The following FAM135B variants were observed in gnomAD, a reference collection of about 807,000 sequenced individuals.
The protein encoded by FAM135B is protein FAM135B.
FAM135B carries 43 observed loss-of-function variants against 127.7 expected under a neutral mutation model. The observed-to-expected ratio is 0.34, with a 90% CI of 0.26 to 0.43. The LOEUF is 0.43. Among genes scored for constraint, FAM135B ranks in the 20% least tolerant of loss-of-function variants. The probability of loss-of-function intolerance (pLI) is 1.00; values close to 1 mark genes in which losing one functional copy is unlikely to be tolerated. For synonymous variants in FAM135B, 670 were observed against 665.1 expected (o/e 1.01, Z -0.11); for missense variants, 1,558 against 1,725.6 (o/e 0.90, Z 1.72).
chr8:138,137,247 A>G lies in FAM135B; in HGVS notation c.3915T>C (p.Phe1305=). 6.3e-7 allele frequency: 1 copy of G among 1,592,388 alleles called. No homozygotes were observed. Residue 1305 remains phenylalanine (F), a synonymous_variant, in exon 19 of 20, where the codon TTT becomes TTC. Transcript: ENST00000395297. The stretch of plus-strand genomic sequence containing the variant: ...GAGAAGCAACCAGCACGACGTTTTT[A>G]AAATACTGCAGCCCTGTAAAAATTA... The part of the protein sequence containing the change: ...QLSQKTGLQY[F]KNVVLVASPQ...
intron 11 of FAM135B, among the ~76,000 whole-genome samples, chr8:138,173,420 AC>A (rs1207047833): frequency 6.6e-6 from 1 of 152,180 alleles, no homozygotes; most frequent in East Asian, 1.9e-4. Context: ...CTGGGCTCCA[AC>A]AGATCCATGC....
At chr8:138,254,779 C>T (rs1821950596) in intron 5 of FAM135B, among the ~76,000 whole-genome samples, 1 of 152,122 alleles carries the variant, frequency 6.6e-6, no homozygotes, top group African/African-American at 2.4e-5. Flanking sequence ...TGAAGTTGAA[C>T]CCAGACTGTG....
At chr8:138,144,487 C>T (rs547392780) in intron 15 of FAM135B, 42 of 148,628 alleles carry the variant, frequency 2.8e-4, no homozygotes, top group Middle Eastern at 3.5e-3. Flanking sequence ...GAGCCTATTT[C>T]CTCATCTATA....
intron 2 of FAM135B, among the ~76,000 whole-genome samples, chr8:138,353,503 C>T (rs183951315): frequency 1.1e-4 from 16 of 152,274 alleles, no homozygotes; most frequent in Middle Eastern, 6.8e-3. Flanking sequence ...TCTCCAATAG[C>T]TCTAGCTGAG....
intron 3 of FAM135B, among the ~76,000 whole-genome samples, chr8:138,294,561 G>A (rs1825344068): frequency 1.3e-5 from 2 of 152,038 alleles, no homozygotes; most frequent in South Asian, 2.1e-4. Flanking sequence ...AAGGAGAATG[G>A]TTAAAGAAAT....
chr8:138,231,892 A>G (rs1819933633), intron 7 of FAM135B, among the ~76,000 whole-genome samples: 2 of 152,218 alleles, frequency 1.3e-5, no homozygotes, highest in African/African-American at 2.4e-5. Context: ...CCATCACGGC[A>G]TCCCTGGGTG....
chr8:138,465,645 A>G (rs1293583740), intron 1 of FAM135B, among the ~76,000 whole-genome samples: 1 of 152,180 alleles, frequency 6.6e-6, no homozygotes, highest in Non-Finnish European at 1.5e-5. Context: ...GAACTCCAGG[A>G]GCCCAGCCCT....
chr8:138,246,309 C>G (rs755432016), intron 6 of FAM135B, among the ~76,000 whole-genome samples: 1 of 152,170 alleles, frequency 6.6e-6, no homozygotes, highest in Non-Finnish European at 1.5e-5. Context: ...ATGGAAGCCC[C>G]TCCCATCACA....
intron 1 of FAM135B, among the ~76,000 whole-genome samples, chr8:138,446,407 C>G (rs1283974342): frequency 6.6e-6 from 1 of 151,920 alleles, no homozygotes; most frequent in Non-Finnish European, 1.5e-5. Context: ...TCAAACTACA[C>G]TACAAGGCTA....
At chr8:138,297,223 T>C (rs1825539464) in intron 3 of FAM135B, among the ~76,000 whole-genome samples, 2 of 151,932 alleles carry the variant, frequency 1.3e-5, no homozygotes, top group Non-Finnish European at 2.9e-5. Flanking sequence ...ATAGCACGAG[T>C]CCATGACGGT....
chr8:138,393,759 T>C (rs1437514860), intron 1 of FAM135B, among the ~76,000 whole-genome samples: 3 of 152,124 alleles, frequency 2.0e-5, no homozygotes, highest in African/African-American at 7.2e-5. Flanking sequence ...TGCATGAGTC[T>C]CTCCTAGATG....
At chr8:138,316,514 CAAAAAAA>C (rs561450589) in intron 2 of FAM135B, among the ~76,000 whole-genome samples, 11 of 151,330 alleles carry the variant, frequency 7.3e-5, no homozygotes, top group African/African-American at 2.7e-4. Context: ...AAACAAAAAA[CAAAAAAA>C]ACCACAATGA....
intron 1 of FAM135B, among the ~76,000 whole-genome samples, chr8:138,402,571 T>C (rs16909109): frequency 0.47 from 70,809 of 151,884 alleles, 16,954 homozygotes; most frequent in Admixed American, 0.58. Context: ...CTCACCTCTA[T>C]GCAGAGAAGT....
At chr8:138,413,721 G>T (rs1056785115) in intron 1 of FAM135B, among the ~76,000 whole-genome samples, 2 of 151,960 alleles carry the variant, frequency 1.3e-5, no homozygotes, top group South Asian at 4.1e-4. Flanking sequence ...GAAAGTTAGG[G>T]TGACTGGAAT....
At chr8:138,268,179 A>G (rs1315608047) in intron 3 of FAM135B, among the ~76,000 whole-genome samples, 1 of 152,218 alleles carries the variant, frequency 6.6e-6, no homozygotes, top group Non-Finnish European at 1.5e-5. Flanking sequence ...ATCACTGTGG[A>G]CACAAAGAGG....
At chr8:138,450,259 C>T (rs550393326) in intron 1 of FAM135B, among the ~76,000 whole-genome samples, 3 of 152,322 alleles carry the variant, frequency 2.0e-5, no homozygotes, top group African/African-American at 7.2e-5. Flanking sequence ...TGAAGGACAT[C>T]TTGATTGCTT....
intron 7 of FAM135B, among the ~76,000 whole-genome samples, chr8:138,222,988 C>T (rs1819151513): frequency 6.6e-6 from 1 of 152,058 alleles, no homozygotes; most frequent in Non-Finnish European, 1.5e-5. Flanking sequence ...ACATGAGCCT[C>T]CTCCAACTGT....
chr8:138,345,881 T>C (rs1829374483), intron 2 of FAM135B, among the ~76,000 whole-genome samples: 1 of 152,202 alleles, frequency 6.6e-6, no homozygotes, highest in Admixed American at 6.5e-5. Flanking sequence ...TGTTCTATGA[T>C]TAAGTTATAT....
intron 1 of FAM135B, among the ~76,000 whole-genome samples, chr8:138,423,634 C>T (rs1390020296): frequency 2.6e-5 from 4 of 152,154 alleles, no homozygotes; most frequent in Non-Finnish European, 5.9e-5. Context: ...GGCGGGATCA[C>T]AGGACCACAG....
Sources: gnomAD v4.1 joint callset for allele counts (sites outside exome capture counted in the v4.1 genomes callset) on GRCh38, gnomAD v4.1.1 for gene constraint, MANE v1.5 for transcripts, NCBI Gene and HGNC (gene_info 2026-07-23, HGNC 2026-07-21) for gene names.